Variants in DOCK7 observed in about 807,000 individuals in gnomAD.
DOCK7 encodes the protein dedicator of cytokinesis 7, also known as dedicator of cytokinesis protein 7.
In DOCK7, 138 loss-of-function variants were observed where a neutral mutation model predicts 271.0. That is an observed-to-expected ratio of 0.51 (90% CI 0.44 to 0.59). DOCK7 has a LOEUF of 0.59. DOCK7 is among the 20% of genes least tolerant of loss of function. The probability of loss-of-function intolerance (pLI) is 0.00; values close to 1 mark genes in which losing one functional copy is unlikely to be tolerated. For synonymous variants in DOCK7, 823 were observed against 876.1 expected, an observed-to-expected ratio of 0.94 and a Z score of 1.07; for missense variants, 2,066 against 2,592.4, an observed-to-expected ratio of 0.80 and a Z score of 4.41.
At chr1:62,495,534 T>C (rs778311837) in intron 39 of DOCK7, 47 bp downstream of exon 39, 1 of 1,267,542 alleles carries the variant, frequency 7.9e-7, no homozygotes, top group Non-Finnish European at 1.1e-6. Context: ...ACTGTATGTC[T>C]TACTAAGTCC....
At chr1:62,602,287 A>T in intron 14 of DOCK7, 1 of 1,602,686 alleles carries the variant, frequency 6.2e-7, no homozygotes, top group Non-Finnish European at 8.5e-7. Context: ...ATATTCAGGT[A>T]GTCCATGGAC....
At chr1:62,579,378 T>C (rs1647041596) in intron 16 of DOCK7, among the ~76,000 whole-genome samples, 1 of 152,164 alleles carries the variant, frequency 6.6e-6, no homozygotes, top group Non-Finnish European at 1.5e-5. Flanking sequence ...AACTAATGTT[T>C]ATCATCCTTT....
intron 4 of DOCK7, among the ~76,000 whole-genome samples, 189 bp from the exon 5 acceptor site, chr1:62,648,733 G>C (rs758197038): frequency 2.6e-5 from 4 of 152,066 alleles, no homozygotes; most frequent in Non-Finnish European, 4.4e-5. Context: ...AAGGAGTAGA[G>C]TATGAGTTTC....
At chr1:62,607,168 T>A (rs1366299042) in intron 14 of DOCK7, among the ~76,000 whole-genome samples, 1 of 151,544 alleles carries the variant, frequency 6.6e-6, no homozygotes, top group South Asian at 2.1e-4. Flanking sequence ...ATCACACCAA[T>A]GCACTGGGTG....
rs764845218 is a variant in DOCK7, at chr1:62,552,718, T to C, written c.2766+14A>G. 5.0e-6 allele frequency: 8 copies of C among 1,584,228 alleles called. No homozygotes were observed. In the East Asian group the frequency reaches 1.4e-4, roughly 27 times the overall value. On this transcript the variant is annotated intron_variant, in intron 22 of 49. Coordinates refer to ENST00000635253, the MANE Select transcript of DOCK7 (RefSeq NM_001367561.1). Reference sequence around the variant, plus strand: ...AACAAAAACCAAATTTACAGATGCATGTCTTCAGTTTACCTTACTCCCGAT... The same window carrying C: ...AACAAAAACCAAATTTACAGATGCACGTCTTCAGTTTACCTTACTCCCGAT...
intron 1 of DOCK7, among the ~76,000 whole-genome samples, chr1:62,672,569 C>A (rs986507344): frequency 1.1e-4 from 17 of 152,044 alleles, no homozygotes; most frequent in Admixed American, 9.8e-4. Context: ...CCAGTCTCCA[C>A]GGGTGGACCT....
intron 29 of DOCK7, among the ~76,000 whole-genome samples, chr1:62,533,766 C>T (rs529595436): frequency 6.6e-6 from 1 of 152,216 alleles, no homozygotes; most frequent in African/African-American, 2.4e-5. Flanking sequence ...CCCTGACATA[C>T]TGCTAAGAAC....
At chr1:62,473,887 T>C in intron 48 of DOCK7, 95 bp downstream of exon 48, 1 of 965,410 alleles carries the variant, frequency 1.0e-6, no homozygotes, top group Non-Finnish European at 1.5e-6. Flanking sequence ...GCCTAGCCTA[T>C]TTTCTCTTTT....
intron 49 of DOCK7, 176 bp from the exon 50 acceptor site, chr1:62,455,632 T>A: frequency 1.6e-6 from 1 of 629,962 alleles, no homozygotes; most frequent in South Asian, 1.9e-5. Flanking sequence ...GCTTATAGAT[T>A]TAGCTATAGA....
At chr1:62,477,433 G>C (rs550116406) in intron 44 of DOCK7, among the ~76,000 whole-genome samples, 4 of 152,074 alleles carry the variant, frequency 2.6e-5, no homozygotes, top group African/African-American at 9.7e-5. Context: ...ATATTTCTCC[G>C]TTAAGTCGCA....
chr1:62,494,545 T>C, intron 39 of DOCK7, 78 bp from the exon 40 acceptor site: 2 of 1,386,672 alleles, frequency 1.4e-6, no homozygotes, highest in Non-Finnish European at 2.0e-6. Flanking sequence ...CGCTCAGAGT[T>C]TACCTAGAAA....
At chr1:62,535,745 A>C (rs1645325583) in intron 28 of DOCK7, 113 bp from the exon 29 acceptor site, 10 of 1,022,928 alleles carry the variant, frequency 9.8e-6, no homozygotes, top group Non-Finnish European at 1.2e-5. Context: ...ATTTTATATT[A>C]CTAACACTGA....
chr1:62,602,732 C>A (rs1399517170), intron 14 of DOCK7, among the ~76,000 whole-genome samples: 1 of 151,592 alleles, frequency 6.6e-6, no homozygotes, highest in African/African-American at 2.4e-5. Flanking sequence ...CCACTCCTAG[C>A]ATTAGTCACT....
chr1:62,604,085 T>A (rs1397777979), intron 14 of DOCK7: 1 of 1,613,270 alleles, frequency 6.2e-7, no homozygotes, highest in Non-Finnish European at 8.5e-7. Context: ...ATATTCTTTT[T>A]ACTTGGGAAA....
At chr1:62,674,753 C>T (rs746974425) in intron 1 of DOCK7, among the ~76,000 whole-genome samples, 2 of 152,120 alleles carry the variant, frequency 1.3e-5, no homozygotes, top group Non-Finnish European at 2.9e-5. Flanking sequence ...AACACCCACA[C>T]ACTAAAGATA....
chr1:62,576,714 T>C (rs975568623), intron 18 of DOCK7, among the ~76,000 whole-genome samples: 3 of 152,218 alleles, frequency 2.0e-5, no homozygotes, highest in African/African-American at 4.8e-5. Flanking sequence ...ACGGTGGCTA[T>C]TGATTCTTGA....
At chr1:62,687,836 G>A (rs1351620084) in intron 1 of DOCK7, among the ~76,000 whole-genome samples, 2 of 152,112 alleles carry the variant, frequency 1.3e-5, no homozygotes, top group Admixed American at 6.5e-5. Context: ...GACGGGAGGG[G>A]GCGAAACGCC....
chr1:62,601,746 T>C, intron 14 of DOCK7: 2 of 1,452,694 alleles, frequency 1.4e-6, no homozygotes, highest in Non-Finnish European at 1.9e-6. Context: ...AAATCTGATG[T>C]AATAACATTT....
At chr1:62,592,668 T>C (rs1055672391) in intron 14 of DOCK7, among the ~76,000 whole-genome samples, 2 of 152,014 alleles carry the variant, frequency 1.3e-5, no homozygotes, top group African/African-American at 4.8e-5. Flanking sequence ...AACCAGATGA[T>C]TCGCAAAGAC....
Sources: allele counts gnomAD v4.1 joint callset (sites outside exome capture counted in the v4.1 genomes callset), GRCh38; gene constraint gnomAD v4.1.1; transcripts MANE v1.5; gene names NCBI Gene and HGNC (gene_info 2026-07-23, HGNC 2026-07-21).